The following FRMPD1 variants were observed in gnomAD, a reference collection of about 807,000 sequenced individuals.
The protein encoded by FRMPD1 is FERM and PDZ domain containing 1.
Under a neutral mutation model 117.8 loss-of-function variants are expected in FRMPD1, and 76 were observed. The ratio of observed to expected loss-of-function variants is 0.65; its 90% CI spans 0.54 to 0.78. The LOEUF is 0.78. Ranked by LOEUF, FRMPD1 falls within the 30% of genes least tolerant of loss-of-function variation. The pLI is 0.00. For synonymous variants in FRMPD1, 783 were observed against 770.4 expected, an observed-to-expected ratio of 1.02 and a Z score of -0.27; for missense variants, 1,786 against 1,964.5, an observed-to-expected ratio of 0.91 and a Z score of 1.72.
chr9:37,647,381 G>A (rs1473944690), upstream of FRMPD1, among the ~76,000 whole-genome samples: 1 of 151,682 alleles, frequency 6.6e-6, no homozygotes, highest in Admixed American at 6.6e-5. Flanking sequence ...GCGGGGTGGC[G>A]GGCACCTGTA....
At chr9:37,715,049 G>A (rs903841615) in intron 5 of FRMPD1, among the ~76,000 whole-genome samples, 1 of 152,136 alleles carries the variant, frequency 6.6e-6, no homozygotes, top group Non-Finnish European at 1.5e-5. Flanking sequence ...CAGATTACTT[G>A]AAATTGATTA....
At chr9:37,629,553 G>A in the FRMPD1 span, among the ~76,000 whole-genome samples, 1 of 152,158 alleles carries the variant, frequency 6.6e-6, no homozygotes, top group Non-Finnish European at 1.5e-5. Flanking sequence ...GCAATGCAGG[G>A]CCACCCGCCA....
chr9:37,724,247 C>T lies in FRMPD1; in HGVS notation c.539C>T (p.Pro180Leu), dbSNP rs748593586. The change falls in exon 7 of 16, where the codon CCC (proline) becomes CTC (leucine). Residue 180 changes from proline to leucine, a missense_variant. Pro to Leu is a moderately conservative substitution (Grantham distance 98, BLOSUM62 -3). Transcript: ENST00000377765. ...CAGGGTAATTCTCTGCTGTGTATGC[C>T]CAACGTGCTCAAGCTATACTTGGAG... ...HSQGNSLLCM[P>L]NVLKLYLENG... The T allele has an allele frequency of 1.9e-6, 3 of 1,595,526 alleles. No individual in the cohort carries two copies. The South Asian group carries it at 3.3e-5, about 18-fold the overall frequency.
rs369468677 is a variant in FRMPD1 at position 37,719,135 on chromosome 9, G to A, written c.475G>A (p.Val159Met). 3.7e-6 allele frequency: 6 copies of A among 1,613,654 alleles called. No individual in the cohort carries two copies. The highest frequency in any genetic ancestry group is 2.2e-5 in the East Asian group (1 of 44,888). ...RARLKTNPVK[V>M]HFAEEVLISG... is the part of the protein sequence containing the mutation. The stretch of plus-strand genomic sequence containing the variant: ...CAGACTGAAGACCAACCCCGTGAAG[G>A]TGCACTTTGCTGAAGAAGTGCTCAT... Residue 159 changes from valine (V) to methionine (M), a missense_variant, in exon 6 of 16, where the codon GTG becomes ATG. Coordinates refer to ENST00000377765, the MANE Select transcript of FRMPD1 (RefSeq NM_014907.3).
intron 1 of FRMPD1, among the ~76,000 whole-genome samples, chr9:37,666,534 C>T (rs1055601015): frequency 6.6e-6 from 1 of 152,148 alleles, no homozygotes; most frequent in East Asian, 1.9e-4. Flanking sequence ...GGTGTGCCCC[C>T]GTTGCCTTTC....
intron 1 of FRMPD1, among the ~76,000 whole-genome samples, chr9:37,666,085 AGCTGATG>A (rs1296241999): frequency 1.3e-5 from 2 of 152,186 alleles, no homozygotes; most frequent in African/African-American, 4.8e-5. Flanking sequence ...TTGGGTGAGA[AGCTGATG>A]GCAAGTATTC....
intron 2 of FRMPD1, among the ~76,000 whole-genome samples, chr9:37,705,912 A>G (rs1822685335): frequency 6.6e-6 from 1 of 151,810 alleles, no homozygotes; most frequent in South Asian, 2.1e-4. Context: ...GTGAGCTGAG[A>G]TCATGCCACT....
chr9:37,615,814 T>G, the FRMPD1 span, among the ~76,000 whole-genome samples: 1 of 150,850 alleles, frequency 6.6e-6, no homozygotes, highest in Non-Finnish European at 1.5e-5. Context: ...TGATCACATC[T>G]GTTCTTTTTT....
In FRMPD1 at chr9:37,711,366, C is replaced by G; in HGVS notation, c.379C>G (p.Leu127Val). The change falls in exon 5 of 16, where the codon CTT (leucine) becomes GTT (valine). Residue 127 changes from leucine to valine, a missense_variant. Physicochemically the swap from Leu to Val is conservative, Grantham distance 32 (BLOSUM62 1). Transcript: ENST00000377765. Reference sequence around the variant, plus strand: ...TTTTTTCAGGGAAGCAGAAGATTCTCTTTCAATCACAGTTGTTCGCTGCAC... The same window carrying G: ...TTTTTTCAGGGAAGCAGAAGATTCTGTTTCAATCACAGTTGTTCGCTGCAC... ...VDILREAEDSLSITVVRCTSG... is the reference protein window; with the variant it reads ...VDILREAEDSVSITVVRCTSG... The G allele has an allele frequency of 6.2e-7, 1 of 1,609,854 alleles. No homozygotes were observed. Among genetic ancestry groups the G allele is most frequent in the Non-Finnish European group, 8.5e-7 (1 of 1,176,102 alleles).
chr9:37,648,623 GAAGTT>G (rs1410792024), upstream of FRMPD1, among the ~76,000 whole-genome samples: 1 of 152,156 alleles, frequency 6.6e-6, no homozygotes, highest in Non-Finnish European at 1.5e-5. Context: ...ATGTGTAAGA[GAAGTT>G]AAGGAGACAG....
intron 1 of FRMPD1, among the ~76,000 whole-genome samples, chr9:37,653,782 C>T (rs2119359897): frequency 6.6e-6 from 1 of 152,132 alleles, no homozygotes; most frequent in East Asian, 1.9e-4. Context: ...TAGTGAGACC[C>T]CATCTCTACA....
Position 37,744,991 on chromosome 9 carries a change from T to G in FRMPD1, c.2959T>G (p.Ser987Ala). The G allele has an allele frequency of 1.2e-6, 2 of 1,614,156 alleles. No homozygotes were observed. Among genetic ancestry groups the G allele is most frequent in the Non-Finnish European group, 1.7e-6 (2 of 1,180,006 alleles). The change falls in exon 16 of 16, where the codon TCC becomes GCC. Residue 987 changes from serine (S) to alanine (A), a missense_variant. By Grantham distance (99) the Ser-to-Ala change is moderately conservative. Transcript: ENST00000377765. ...SGPDTAQARP[S>A]QILPLSQDLD... ...CCCAGATACTGCTCAGGCAAGGCCT[T>G]CCCAAATCTTACCTCTATCTCAAGA...
chr9:37,726,686 G>A (rs779481390), intron 7 of FRMPD1, among the ~76,000 whole-genome samples: 2 of 151,834 alleles, frequency 1.3e-5, no homozygotes, highest in African/African-American at 4.8e-5. Flanking sequence ...CGATGAGAGC[G>A]AAACTCCATC....
At chr9:37,637,966 T>TTTTTTTC in the FRMPD1 span, among the ~76,000 whole-genome samples, 13 of 44,596 alleles carry the variant, frequency 2.9e-4, 2 homozygotes, top group African/African-American at 1.6e-3. Flanking sequence ...GGTGTATGCT[T>TTTTTTTC]TCTTTCTTTC....
intron 15 of FRMPD1, 65 bp from the exon 16 acceptor site, chr9:37,744,324 G>T (rs1333801390): frequency 7.9e-7 from 1 of 1,271,716 alleles, no homozygotes; most frequent in Non-Finnish European, 1.1e-6. Context: ...CAAGGCCTGA[G>T]CCCAAGCTCT....
intron 13 of FRMPD1, among the ~76,000 whole-genome samples, chr9:37,736,555 C>A (rs1160655933): frequency 6.8e-6 from 1 of 147,606 alleles, no homozygotes; most frequent in African/African-American, 2.5e-5. Context: ...AAAAAGGTAA[C>A]TAGTGCAGGG....
chr9:37,715,636 A>G (rs1315420152), intron 5 of FRMPD1: 1 of 456,194 alleles, frequency 2.2e-6, no homozygotes, highest in Non-Finnish European at 4.4e-6. Context: ...TGAGTAGCTC[A>G]TATCCTTTGA....
chr9:37,677,376 G>T (rs1448339986), intron 1 of FRMPD1, among the ~76,000 whole-genome samples: 2 of 152,200 alleles, frequency 1.3e-5, no homozygotes, highest in Admixed American at 1.3e-4. Flanking sequence ...AGCCCACCAG[G>T]GTGGCAAGCA....
chr9:37,659,597 C>T (rs1041703039), intron 1 of FRMPD1, among the ~76,000 whole-genome samples: 1 of 152,146 alleles, frequency 6.6e-6, no homozygotes, highest in Non-Finnish European at 1.5e-5. Context: ...AGAAGGGACA[C>T]ATAGTGGAAG....
Sources: allele counts gnomAD v4.1 joint callset (sites outside exome capture counted in the v4.1 genomes callset), GRCh38; gene constraint gnomAD v4.1.1; transcripts MANE v1.5; gene names NCBI Gene and HGNC (gene_info 2026-07-23, HGNC 2026-07-21).